Variants in ADGRL3 observed in about 807,000 individuals in gnomAD.
ADGRL3 encodes adhesion G protein-coupled receptor L3.
ADGRL3 carries 62 observed loss-of-function variants against 153.5 expected under a neutral mutation model. The observed-to-expected ratio is 0.40, with a 90% CI of 0.33 to 0.50. The LOEUF (loss-of-function observed/expected upper bound fraction) is 0.50, where lower values mean the gene tolerates loss of function less well. ADGRL3 is among the 20% of genes least tolerant of loss of function. The probability of loss-of-function intolerance (pLI) is 0.47; values close to 1 mark genes in which losing one functional copy is unlikely to be tolerated. For missense variants in ADGRL3, 1,641 were observed against 1,859.4 expected, an observed-to-expected ratio of 0.88 and a Z score of 2.16; for synonymous variants, 710 against 672.5, an observed-to-expected ratio of 1.06 and a Z score of -0.86.
intron 5 of ADGRL3, among the ~76,000 whole-genome samples, chr4:61,671,501 G>T (rs1175322199): frequency 1.3e-5 from 2 of 152,064 alleles, no homozygotes; most frequent in Admixed American, 1.3e-4. Context: ...CATGTAAATC[G>T]GAGGTTTATA....
At chr4:61,769,221 C>T (rs1400375546) in intron 8 of ADGRL3, among the ~76,000 whole-genome samples, 4 of 152,034 alleles carry the variant, frequency 2.6e-5, no homozygotes, top group Admixed American at 6.6e-5. Flanking sequence ...CCGTGACTGG[C>T]GCCGGAGTTT....
intron 21 of ADGRL3, among the ~76,000 whole-genome samples, chr4:62,009,278 T>C (rs1581864272): frequency 6.6e-6 from 1 of 152,130 alleles, no homozygotes; most frequent in Non-Finnish European, 1.5e-5. Context: ...TTATATCTTC[T>C]GGAGAAAAAT....
intron 2 of ADGRL3, among the ~76,000 whole-genome samples, chr4:61,384,801 A>G (rs929550676): frequency 6.6e-6 from 1 of 152,064 alleles, no homozygotes; most frequent in African/African-American, 2.4e-5. Flanking sequence ...ACTTGCAAAC[A>G]TTATACTAAC....
chr4:61,811,250 G>A (rs2097613931), intron 8 of ADGRL3, among the ~76,000 whole-genome samples: 1 of 152,024 alleles, frequency 6.6e-6, no homozygotes, highest in Non-Finnish European at 1.5e-5. Context: ...ATTGATGTAT[G>A]GATAAATTAA....
intron 1 of ADGRL3, among the ~76,000 whole-genome samples, chr4:61,217,517 T>A (rs984780153): frequency 2.0e-5 from 3 of 152,212 alleles, no homozygotes; most frequent in African/African-American, 7.2e-5. Flanking sequence ...TCTGAAGTTT[T>A]CCTTTTACAG....
chr4:61,292,258 T>G (rs1036422497), intron 1 of ADGRL3, among the ~76,000 whole-genome samples: 1 of 152,108 alleles, frequency 6.6e-6, no homozygotes, highest in Admixed American at 6.6e-5. Context: ...GGCTGAAGTA[T>G]AAAATATCCT....
chr4:61,910,603 G>A lies in ADGRL3; in HGVS notation c.2073+858G>A, dbSNP rs549547105. On this transcript the variant is annotated intron_variant, in intron 12 of 26. Transcript: ENST00000683033. ...CATGGGTTCCCTGACTGGCATTTGT[G>A]TAGTAGAGATGTTCAATGATTGAAA... 5.3e-5 allele frequency among the ~76,000 whole-genome samples: 8 copies of A among 151,874 alleles called. No individual in the cohort carries two copies. In the East Asian group the frequency reaches 1.2e-3, roughly 22 times the overall value.
intron 17 of ADGRL3, among the ~76,000 whole-genome samples, chr4:61,955,371 A>G (rs1221234798): frequency 1.3e-5 from 2 of 152,198 alleles, no homozygotes; most frequent in Non-Finnish European, 2.9e-5. Context: ...AAACTACATA[A>G]TAATGAATGC....
intron 1 of ADGRL3, among the ~76,000 whole-genome samples, chr4:61,379,142 G>A (rs771914292): frequency 2.0e-5 from 3 of 152,086 alleles, no homozygotes; most frequent in South Asian, 2.1e-4. Context: ...AGAAACCAAA[G>A]TAGAAGATAT....
intron 4 of ADGRL3, among the ~76,000 whole-genome samples, chr4:61,537,575 C>G (rs1194369697): frequency 6.6e-6 from 1 of 151,966 alleles, no homozygotes; most frequent in East Asian, 1.9e-4. Flanking sequence ...TTAAAAAAAT[C>G]TTTATTTTTA....
chr4:61,970,183 A>G (rs1454692524), intron 17 of ADGRL3, among the ~76,000 whole-genome samples: 1 of 152,164 alleles, frequency 6.6e-6, no homozygotes, highest in Non-Finnish European at 1.5e-5. Context: ...TAAAATGAGT[A>G]CCTTAAGAAA....
chr4:61,940,035 G>A (rs1185984207), intron 15 of ADGRL3, among the ~76,000 whole-genome samples: 1 of 137,194 alleles, frequency 7.3e-6, no homozygotes, highest in East Asian at 2.2e-4. Flanking sequence ...ACCCACTAAT[G>A]TGTCATCTAG....
At chr4:61,317,289 G>A (rs2095244885) in intron 1 of ADGRL3, among the ~76,000 whole-genome samples, 1 of 152,154 alleles carries the variant, frequency 6.6e-6, no homozygotes, top group South Asian at 2.1e-4. Context: ...TATTTGTACT[G>A]CTAAAGAAGA....
intron 5 of ADGRL3, among the ~76,000 whole-genome samples, chr4:61,643,160 G>A (rs1172033338): frequency 6.6e-6 from 1 of 152,144 alleles, no homozygotes; most frequent in Non-Finnish European, 1.5e-5. Flanking sequence ...CTTTGCTGAA[G>A]TTGCTTATCA....
chr4:61,231,086 G>A (rs1478692948), intron 1 of ADGRL3, among the ~76,000 whole-genome samples: 1 of 152,144 alleles, frequency 6.6e-6, no homozygotes, highest in African/African-American at 2.4e-5. Context: ...AATAAACTGA[G>A]GCGGAAGTCC....
chr4:61,996,862 A>T (rs536762335), intron 20 of ADGRL3, among the ~76,000 whole-genome samples: 42 of 152,274 alleles, frequency 2.8e-4, no homozygotes, highest in African/African-American at 1.0e-3. Flanking sequence ...TGCATTCTGG[A>T]ATCATGCTTC....
chr4:61,888,683 G>T (rs1375108646), intron 9 of ADGRL3, among the ~76,000 whole-genome samples: 2 of 152,198 alleles, frequency 1.3e-5, no homozygotes, highest in African/African-American at 2.4e-5. Context: ...GACCCTGCTT[G>T]TAGACATCTC....
intron 3 of ADGRL3, among the ~76,000 whole-genome samples, chr4:61,502,476 T>A (rs2098397016): frequency 1.0e-5 from 1 of 99,780 alleles, no homozygotes; most frequent in African/African-American, 4.6e-5. Flanking sequence ...TAGAACCAGC[T>A]TATACATGTT....
chr4:61,736,290 T>C (rs2096511438), intron 8 of ADGRL3, among the ~76,000 whole-genome samples: 1 of 152,146 alleles, frequency 6.6e-6, no homozygotes, highest in South Asian at 2.1e-4. Context: ...ATGTATTTGC[T>C]TGTCTGTTTA....
Sources: gnomAD v4.1 joint callset for allele counts (sites outside exome capture counted in the v4.1 genomes callset) on GRCh38, gnomAD v4.1.1 for gene constraint, MANE v1.5 for transcripts, NCBI Gene and HGNC (gene_info 2026-07-23, HGNC 2026-07-21) for gene names.